MACF1: variants seen among roughly 807,000 people sequenced by gnomAD.
The protein encoded by MACF1 is microtubule actin crosslinking factor 1.
MACF1 carries 193 observed loss-of-function variants against 854.8 expected under a neutral mutation model. The observed-to-expected ratio is 0.23, with a 90% CI of 0.20 to 0.25. MACF1 has a LOEUF of 0.25. Among genes scored for constraint, MACF1 ranks in the 10% least tolerant of loss-of-function variants. The probability of loss-of-function intolerance (pLI) is 1.00; values close to 1 mark genes in which losing one functional copy is unlikely to be tolerated. For synonymous variants in MACF1, 3,185 were observed against 3,226.7 expected (o/e 0.99, Z 0.44); for missense variants, 7,722 against 8,929.1 (o/e 0.86, Z 5.45).
At chr1:39,186,807 G>GTTTTGTTCT (rs1410295142) in intron 2 of MACF1, among the ~76,000 whole-genome samples, 5 of 151,838 alleles carry the variant, frequency 3.3e-5, no homozygotes, top group African/African-American at 1.2e-4. Flanking sequence ...TGGGGGTCTT[G>GTTTTGTTCT]TTTTGTTCTC....
chr1:39,234,887 C>T (rs1417642008), intron 2 of MACF1, among the ~76,000 whole-genome samples: 250 of 139,296 alleles, frequency 1.8e-3, no homozygotes, highest in Admixed American at 3.8e-3. Flanking sequence ...GGCAGAGGCG[C>T]TCCCCACATC....
intron 5 of MACF1, chr1:39,257,666 A>G: frequency 2.9e-6 from 1 of 343,126 alleles, no homozygotes; most frequent in Middle Eastern, 8.4e-4. Context: ...AAAGCAAAAC[A>G]AGGAATCAGG....
chr1:39,464,878 C>T (rs1570176614), intron 94 of MACF1: 2 of 502,762 alleles, frequency 4.0e-6, no homozygotes, highest in East Asian at 7.3e-5. Context: ...CGCGCCACTG[C>T]ACTCCAGCCT....
chr1:39,231,375 C>G (rs1472509197), intron 2 of MACF1, 132 bp downstream of exon 2: 3 of 758,854 alleles, frequency 4.0e-6, no homozygotes, highest in Admixed American at 4.9e-5. Flanking sequence ...TGTGACTTTT[C>G]TTTTCTCTTC....
intron 56 of MACF1, among the ~76,000 whole-genome samples, chr1:39,383,351 C>T (rs1054234669): frequency 6.6e-6 from 1 of 152,076 alleles, no homozygotes; most frequent in Non-Finnish European, 1.5e-5. Context: ...TTTTTCTAAT[C>T]CGGGATTTTC....
chr1:39,476,246 C>T (rs1421402262), intron 97 of MACF1, among the ~76,000 whole-genome samples: 1 of 152,140 alleles, frequency 6.6e-6, no homozygotes, highest in African/African-American at 2.4e-5. Context: ...CTTAGGTATG[C>T]ATCCTTTCTC....
rs989660095 is a variant in MACF1 at position 39,269,347 on chromosome 1, C to T, written c.528+11319C>T. On this transcript the variant is annotated intron_variant, in intron 6 of 100. Transcript: ENST00000564288. ...GATAAAGGAAATCAAGAACAATTTT[C>T]AGAGGGCTGGAGTGTGGAGGAAGGA... 6 of 1,289,736 alleles carry T rather than the reference C, an allele frequency of 4.7e-6. No homozygotes were observed. The Admixed American group carries it at 1.4e-4, about 30-fold the overall frequency. The allele number at this position is 1,289,736 out of a possible 1,614,324, so 79.9% of individuals were successfully genotyped here. A position where few individuals can be genotyped will look rare whatever the true frequency, so the allele number is the denominator to read the frequency against.
At chr1:39,187,407 G>T (rs1644187047) in intron 2 of MACF1, among the ~76,000 whole-genome samples, 1 of 152,058 alleles carries the variant, frequency 6.6e-6, no homozygotes. Flanking sequence ...ATTCACTCTG[G>T]ATGGGTTGCT....
intron 91 of MACF1, chr1:39,459,753 T>C (rs1216931193): frequency 3.5e-6 from 4 of 1,130,752 alleles, no homozygotes; most frequent in Admixed American, 2.5e-5. Flanking sequence ...TATAGTACTA[T>C]GCTTCCTAGT....
At chr1:39,163,755 C>T (rs1035809105) in intron 2 of MACF1, among the ~76,000 whole-genome samples, 1 of 152,138 alleles carries the variant, frequency 6.6e-6, no homozygotes. Flanking sequence ...GCTTTCACAC[C>T]CCAACATACA....
rs1647800438 is a variant in MACF1 at position 39,358,587 on chromosome 1, C to G, written c.11944-110C>G. 13 of 976,072 alleles carry G rather than the reference C, an allele frequency of 1.3e-5. No homozygotes were observed. In the East Asian group the frequency reaches 2.6e-4, roughly 20 times the overall value. The allele number at this position is 976,072 out of a possible 1,614,324, so 60.5% of individuals were successfully genotyped here. A position where few individuals can be genotyped will look rare whatever the true frequency, so the allele number is the denominator to read the frequency against. ...CCATGGGTTCTGGCAATACCCTTAT[C>G]TGAAGTTACAGTGAGTTGTCTGTAA... On this transcript the variant is annotated intron_variant, in intron 45 of 100. Transcript: ENST00000564288.
At chr1:39,157,030 C>T (rs534588395) in intron 2 of MACF1, among the ~76,000 whole-genome samples, 124 of 150,218 alleles carry the variant, frequency 8.3e-4, no homozygotes, top group African/African-American at 2.8e-3. Context: ...AGTGCAGTGG[C>T]GCAATCACAG....
Position 39,383,976 on chromosome 1 carries a change from A to AT in MACF1, c.13849-1457dup, listed in dbSNP as rs564616724. ...CATATCTGTTACAATATCGAATGCC[A>AT]TGTAGCTTCTGGGAAACATCATTGA... On this transcript the variant is annotated intron_variant, in intron 56 of 100. Transcript: ENST00000564288. Among the ~76,000 whole-genome samples the AT allele has an allele frequency of 1.2e-3, 184 of 152,216 alleles. 2 individuals carry two copies. The highest frequency in any genetic ancestry group is 4.4e-3 in the African/African-American group (182 of 41,570).
intron 58 of MACF1, among the ~76,000 whole-genome samples, chr1:39,398,139 CTT>C (rs750827427): frequency 3.1e-4 from 42 of 134,250 alleles, no homozygotes; most frequent in African/African-American, 2.8e-4. Flanking sequence ...CCCGCCACTC[CTT>C]TTTTTTTTTT....
intron 31 of MACF1, among the ~76,000 whole-genome samples, chr1:39,320,920 A>G (rs1646502833): frequency 6.6e-6 from 1 of 152,238 alleles, no homozygotes; most frequent in Admixed American, 6.5e-5. Context: ...TTGAGCCGTG[A>G]TTGTGTCACT....
At chr1:39,299,569 CCAAT>C (rs912408738) in intron 21 of MACF1, among the ~76,000 whole-genome samples, 8 of 152,112 alleles carry the variant, frequency 5.3e-5, no homozygotes, top group Admixed American at 1.3e-4. Context: ...TTCTTTCTAA[CCAAT>C]CAAATTTATA....
At position 39,393,196 on chromosome 1, in the gene MACF1, A is replaced by AAAAATAT. The variant is rs57576149; in HGVS notation, c.15816+4539_15816+4540insAAATATA. Among the ~76,000 whole-genome samples the AAAAATAT allele has an allele frequency of 1.1e-4, 7 of 66,566 alleles. 1 individual carries two copies. The highest frequency in any genetic ancestry group is 5.0e-4 in the African/African-American group (6 of 11,884). The allele number at this position is 66,566 out of a possible 152,430, so 43.7% of individuals were successfully genotyped here. A position where few individuals can be genotyped will look rare whatever the true frequency, so the allele number is the denominator to read the frequency against. On this transcript the variant is annotated intron_variant, in intron 58 of 100. Transcript: ENST00000564288. ...CTGGGAAGGGTAAAAAAAAAAAAAA[A>AAAAATAT]ATATATATATATATATATATATATA...
At chr1:39,445,469 G>GC (rs1644208085) in intron 80 of MACF1, among the ~76,000 whole-genome samples, 1 of 152,180 alleles carries the variant, frequency 6.6e-6, no homozygotes, top group Admixed American at 6.5e-5. Flanking sequence ...TAGTTATTGA[G>GC]CAAGTGTGTG....
chr1:39,319,670 T>A lies in MACF1; in HGVS notation c.3952T>A (p.Phe1318Ile). The change falls in exon 31 of 101, where the codon TTT becomes ATT. Residue 1318 changes from phenylalanine (F) to isoleucine (I), a missense_variant. By Grantham distance (21) the Phe-to-Ile change is conservative. Around this residue, in one of 15 missense-constraint regions of MACF1, gnomAD observed 1,137 missense variants for 1,263.0 expected, o/e 0.90. Transcript: ENST00000564288. ...GTGATATTTTGCTTCCTAGGCCCTA[T>A]TTGCAGAAATTGAGAGAAATCAGAC... ...SEQLSQQTALFAEIERNQTKL... is the reference protein window; with the variant it reads ...SEQLSQQTALIAEIERNQTKL... 6.2e-7 allele frequency: 1 copy of A among 1,613,060 alleles called. No homozygotes were observed. The highest frequency in any genetic ancestry group is 8.5e-7 in the Non-Finnish European group (1 of 1,179,252).
Sources: allele counts gnomAD v4.1 joint callset (sites outside exome capture counted in the v4.1 genomes callset), GRCh38; gene constraint gnomAD v4.1.1; regional missense constraint gnomAD v4.1.1; transcripts MANE v1.5; gene names NCBI Gene and HGNC (gene_info 2026-07-23, HGNC 2026-07-21).